ALDH1A2: variants seen among roughly 807,000 people sequenced by gnomAD.
ALDH1A2 encodes the protein retinal dehydrogenase 2.
In ALDH1A2, 27 loss-of-function variants were observed where a neutral mutation model predicts 60.3. The ratio of observed to expected loss-of-function variants is 0.45; its 90% CI spans 0.33 to 0.62. The LOEUF (loss-of-function observed/expected upper bound fraction) is 0.62, where lower values mean the gene tolerates loss of function less well. ALDH1A2 is among the 20% of genes least tolerant of loss of function. The probability of loss-of-function intolerance (pLI) is 0.02; values close to 1 mark genes in which losing one functional copy is unlikely to be tolerated. For missense variants in ALDH1A2, 581 were observed against 643.8 expected (o/e 0.90, Z 1.06); for synonymous variants, 289 against 232.4 (o/e 1.24, Z -2.21).
chr15:58,005,706 C>CA (rs1359895158), intron 4 of ALDH1A2, among the ~76,000 whole-genome samples: 2 of 151,772 alleles, frequency 1.3e-5, no homozygotes, highest in Non-Finnish European at 2.9e-5. Flanking sequence ...AATTTAACAA[C>CA]AAAAAACCCT....
At chr15:57,993,241 C>G (rs1595649468) in intron 5 of ALDH1A2, among the ~76,000 whole-genome samples, 168 bp from the exon 6 acceptor site, 1 of 152,204 alleles carries the variant, frequency 6.6e-6, no homozygotes, top group Non-Finnish European at 1.5e-5. Flanking sequence ...TAGAATAGCA[C>G]TGACCTTGGA....
chr15:58,053,111 A>G (rs1896816685), intron 1 of ALDH1A2, among the ~76,000 whole-genome samples: 1 of 152,156 alleles, frequency 6.6e-6, no homozygotes, highest in Non-Finnish European at 1.5e-5. Context: ...AAGTCCAAGA[A>G]AAAAATGAGT....
At chr15:58,010,521 AC>A (rs1895598157) in intron 4 of ALDH1A2, 127 bp downstream of exon 4, 1 of 1,265,894 alleles carries the variant, frequency 7.9e-7, no homozygotes, top group African/African-American at 1.5e-5. Flanking sequence ...TTGGTTCTTC[AC>A]TCAGTTCTAA....
chr15:58,062,057 T>G (rs1398801191), intron 1 of ALDH1A2, among the ~76,000 whole-genome samples: 1 of 152,046 alleles, frequency 6.6e-6, no homozygotes, highest in Non-Finnish European at 1.5e-5. Context: ...AAACAGAAGT[T>G]TAAATGAATA....
chr15:58,059,652 T>C (rs1315970278), intron 1 of ALDH1A2, among the ~76,000 whole-genome samples: 1 of 152,200 alleles, frequency 6.6e-6, no homozygotes, highest in African/African-American at 2.4e-5. Context: ...TTGAAGCATA[T>C]TCATGCTATA....
chr15:57,964,259 T>G, intron 8 of ALDH1A2, 190 bp from the exon 9 acceptor site: 2 of 609,704 alleles, frequency 3.3e-6, no homozygotes, highest in Non-Finnish European at 5.8e-6. Flanking sequence ...CTTGAACAAC[T>G]TCACTTCTTT....
chr15:57,984,830 CAT>C (rs1190273316), intron 7 of ALDH1A2, among the ~76,000 whole-genome samples: 1 of 152,126 alleles, frequency 6.6e-6, no homozygotes, highest in African/African-American at 2.4e-5. Context: ...CATTTTTGTA[CAT>C]GTTTCTGTGT....
intron 1 of ALDH1A2, among the ~76,000 whole-genome samples, chr15:58,040,262 G>T (rs1896483889): frequency 6.6e-6 from 1 of 151,842 alleles, no homozygotes; most frequent in South Asian, 2.1e-4. Context: ...ATCCACAGCT[G>T]AAGAGGCAGA....
intron 1 of ALDH1A2, among the ~76,000 whole-genome samples, chr15:58,032,509 A>T (rs951329555): frequency 6.6e-6 from 1 of 152,280 alleles, no homozygotes; most frequent in Non-Finnish European, 1.5e-5. Context: ...GTATAATTTT[A>T]AAAAAGACAA....
chr15:58,042,015 T>C (rs1896529694), intron 1 of ALDH1A2, among the ~76,000 whole-genome samples: 1 of 151,728 alleles, frequency 6.6e-6, no homozygotes, highest in South Asian at 2.1e-4. Context: ...ATGAATGGGG[T>C]GGAGGGACTA....
At chr15:58,048,007 T>C (rs1412179184) in intron 1 of ALDH1A2, among the ~76,000 whole-genome samples, 2 of 152,030 alleles carry the variant, frequency 1.3e-5, no homozygotes, top group African/African-American at 4.8e-5. Context: ...AATTTATCAA[T>C]TATAATTTTA....
intron 1 of ALDH1A2, among the ~76,000 whole-genome samples, chr15:58,062,985 A>C (rs953362663): frequency 6.6e-6 from 1 of 152,224 alleles, no homozygotes; most frequent in Non-Finnish European, 1.5e-5. Flanking sequence ...GTAACTTTTA[A>C]TTCTGGTCAT....
At chr15:58,061,170 C>T (rs531065710) in intron 1 of ALDH1A2, among the ~76,000 whole-genome samples, 59 of 152,050 alleles carry the variant, frequency 3.9e-4, no homozygotes, top group Non-Finnish European at 7.6e-4. Flanking sequence ...CAGGGCAGGA[C>T]CCCAGGAGAA....
intron 7 of ALDH1A2, among the ~76,000 whole-genome samples, chr15:57,984,757 A>G (rs1894639997): frequency 6.6e-6 from 1 of 152,192 alleles, no homozygotes; most frequent in Admixed American, 6.5e-5. Context: ...TAATCCGCTT[A>G]TCATTTAATG....
intron 7 of ALDH1A2, among the ~76,000 whole-genome samples, chr15:57,989,487 G>A (rs1320638307): frequency 1.3e-5 from 2 of 152,140 alleles, no homozygotes; most frequent in African/African-American, 2.4e-5. Flanking sequence ...AAGAGGGTAT[G>A]TTGCCTATAT....
At chr15:57,986,003 A>G (rs1349432667) in intron 7 of ALDH1A2, among the ~76,000 whole-genome samples, 4 of 152,218 alleles carry the variant, frequency 2.6e-5, no homozygotes, top group Admixed American at 6.5e-5. Flanking sequence ...AGTAAATAAA[A>G]TAGTAACCTC....
intron 7 of ALDH1A2, chr15:57,990,639 C>G (rs1363323845): frequency 1.3e-5 from 2 of 152,102 alleles, no homozygotes; most frequent in Non-Finnish European, 2.9e-5. Context: ...CTTTGGGAGG[C>G]CAAGGCAGGT....
In ALDH1A2 at chr15:58,060,463, C is replaced by CTTTTTTTTTTT. The variant is rs35187901; in HGVS notation, c.117+5060_117+5070dup. ...AAACTCTTTAAGATGCCACACATAT[C>CTTTTTTTTTTT]TTTTTTTTTTTTTTTTTTTTTTTGT... On this transcript the variant is annotated intron_variant, in intron 1 of 12. Coordinates refer to ENST00000249750, the MANE Select transcript of ALDH1A2 (RefSeq NM_003888.4). Among the ~76,000 whole-genome samples, 21 of 87,504 alleles carry CTTTTTTTTTTT rather than the reference C, an allele frequency of 2.4e-4. 1 individual carries two copies. The highest frequency in any genetic ancestry group is 8.1e-3 in the Middle Eastern group (1 of 124). The allele number at this position is 87,504 out of a possible 152,430, so 57.4% of individuals were successfully genotyped here.
At chr15:57,981,711 C>T (rs1894520588) in intron 7 of ALDH1A2, among the ~76,000 whole-genome samples, 1 of 152,076 alleles carries the variant, frequency 6.6e-6, no homozygotes. Flanking sequence ...ACCACACTTC[C>T]CCAAGCATTA....
Sources: allele counts gnomAD v4.1 joint callset (sites outside exome capture counted in the v4.1 genomes callset), GRCh38; gene constraint gnomAD v4.1.1; transcripts MANE v1.5; gene names NCBI Gene and HGNC (gene_info 2026-07-23, HGNC 2026-07-21).